The following CNIH3 variants were observed in gnomAD, a reference collection of about 807,000 sequenced individuals.
CNIH3 encodes cornichon family AMPA receptor auxiliary protein 3, also known as protein cornichon homolog 3.
A neutral mutation model predicts 24.1 loss-of-function variants in CNIH3; 14 were observed. The observed-to-expected ratio is 0.58, with a 90% confidence interval of 0.38 to 0.91. The LOEUF is 0.91. Among genes scored for constraint, CNIH3 ranks in the 40% least tolerant of loss-of-function variants. The probability of loss-of-function intolerance (pLI) is 0.00; values close to 1 mark genes in which losing one functional copy is unlikely to be tolerated. For missense variants in CNIH3, 178 were observed against 196.8 expected, an observed-to-expected ratio of 0.90 and a Z score of 0.57; for synonymous variants, 68 against 73.8, an observed-to-expected ratio of 0.92 and a Z score of 0.40.
intron 3 of CNIH3, among the ~76,000 whole-genome samples, chr1:224,694,724 A>G (rs1328336856): frequency 6.6e-6 from 1 of 152,252 alleles, no homozygotes; most frequent in Non-Finnish European, 1.5e-5. Context: ...TGTGGCATGT[A>G]TACACCATGG....
At chr1:224,512,149 T>C (rs1678179552), upstream of CNIH3, among the ~76,000 whole-genome samples, 1 of 146,734 alleles carries the variant, frequency 6.8e-6, no homozygotes, top group African/African-American at 2.6e-5. Context: ...CACTCCAGCC[T>C]GGGCAACAAG....
At chr1:224,434,688 T>G (rs1021836411) in exon 1 of CNIH3, 382 of 895,706 alleles carry the variant, frequency 4.3e-4, no homozygotes, top group Non-Finnish European at 4.9e-4. Context: ...CGGCAGTGGC[T>G]GCGGCGGCGG....
At chr1:224,561,306 G>A (rs1401717219) in intron 3 of CNIH3, among the ~76,000 whole-genome samples, 2 of 152,036 alleles carry the variant, frequency 1.3e-5, no homozygotes, top group African/African-American at 4.8e-5. Context: ...TCTCAGTCAT[G>A]AATTTTCCTA....
chr1:224,471,880 G>A (rs184962913), intron 1 of CNIH3, among the ~76,000 whole-genome samples: 122 of 152,190 alleles, frequency 8.0e-4, no homozygotes, highest in African/African-American at 2.7e-3. Context: ...GTGAGCCACC[G>A]TGCCCGGCCT....
At chr1:224,603,057 T>A (rs1269574646) in intron 3 of CNIH3, among the ~76,000 whole-genome samples, 3 of 152,158 alleles carry the variant, frequency 2.0e-5, no homozygotes, top group Admixed American at 2.0e-4. Flanking sequence ...GCTTCAGTAT[T>A]TAAAGGGGAA....
At chr1:224,629,700 T>A (rs1008129984) in intron 1 of CNIH3, among the ~76,000 whole-genome samples, 4 of 152,008 alleles carry the variant, frequency 2.6e-5, no homozygotes, top group Non-Finnish European at 5.9e-5. Flanking sequence ...AATGTTTAAT[T>A]TTTTGTGGCT....
intron 1 of CNIH3, among the ~76,000 whole-genome samples, chr1:224,482,561 T>C (rs4654044): frequency 0.99 from 151,066 of 152,082 alleles, 75,034 homozygotes; most frequent in Middle Eastern, 1. Flanking sequence ...GAATGGGGGC[T>C]TCATGACTCT....
Position 224,646,671 on chromosome 1 carries a change from A to G in CNIH3, c.81+29416A>G, listed in dbSNP as rs184723187. ...CCCTCCTGCTTCGGCATCCTAAATT[A>G]CTGGGATTACAGGCATGAGCCACCA... On this transcript the variant is annotated intron_variant, in intron 1 of 5. Transcript: ENST00000272133. Among the ~76,000 whole-genome samples the G allele has an allele frequency of 2.7e-3, 418 of 152,132 alleles. 1 individual carries two copies. The highest frequency in any genetic ancestry group is 0.027 in the Middle Eastern group (8 of 294).
chr1:224,553,826 C>A (rs912510221), intron 3 of CNIH3, among the ~76,000 whole-genome samples: 8 of 144,974 alleles, frequency 5.5e-5, no homozygotes, highest in Non-Finnish European at 1.1e-4. Flanking sequence ...CTCCCTCCCT[C>A]TTTCTCCCAC....
chr1:224,628,239 C>T (rs549076413), intron 1 of CNIH3, among the ~76,000 whole-genome samples: 25 of 152,260 alleles, frequency 1.6e-4, no homozygotes, highest in Middle Eastern at 3.4e-3. Context: ...CTACTTGGGG[C>T]TCAGTCTGGC....
intron 1 of CNIH3, among the ~76,000 whole-genome samples, chr1:224,659,440 G>A (rs898311395): frequency 2.0e-5 from 3 of 152,200 alleles, no homozygotes; most frequent in Non-Finnish European, 4.4e-5. Context: ...TCTTAGGCCA[G>A]TTACCAAAGG....
At chr1:224,514,555 G>T (rs993979928), upstream of CNIH3, among the ~76,000 whole-genome samples, 1 of 152,174 alleles carries the variant, frequency 6.6e-6, no homozygotes, top group Admixed American at 6.5e-5. Flanking sequence ...AATAAGCTGG[G>T]CATAATGGCT....
intron 1 of CNIH3, among the ~76,000 whole-genome samples, chr1:224,666,358 T>C (rs1225703678): frequency 6.6e-6 from 1 of 152,232 alleles, no homozygotes; most frequent in Non-Finnish European, 1.5e-5. Context: ...GGTCATGTCC[T>C]GTATGCTCTG....
At chr1:224,705,089 G>C (rs12068125) in intron 3 of CNIH3, among the ~76,000 whole-genome samples, 38,489 of 151,960 alleles carry the variant, frequency 0.25, 5,174 homozygotes, top group East Asian at 0.37. Flanking sequence ...CTGCACTCCA[G>C]CCTGGACAAG....
At chr1:224,600,547 G>T (rs1682165026) in intron 3 of CNIH3, among the ~76,000 whole-genome samples, 1 of 152,146 alleles carries the variant, frequency 6.6e-6, no homozygotes. Context: ...AGGCTGGAGT[G>T]CAGTGCAGTG....
chr1:224,452,152 CTTTT>C (rs58936897), intron 1 of CNIH3, among the ~76,000 whole-genome samples: 4 of 142,212 alleles, frequency 2.8e-5, no homozygotes, highest in African/African-American at 1.0e-4. Context: ...TTACCAATGT[CTTTT>C]TTTTTTTTTT....
chr1:224,637,456 T>A (rs1234661203), intron 1 of CNIH3, among the ~76,000 whole-genome samples: 1 of 151,098 alleles, frequency 6.6e-6, no homozygotes, highest in East Asian at 2.0e-4. Flanking sequence ...AACAGTTGCT[T>A]CAGCCTCCTG....
At chr1:224,534,759 C>T (rs1465525933) in intron 2 of CNIH3, among the ~76,000 whole-genome samples, 3 of 152,306 alleles carry the variant, frequency 2.0e-5, no homozygotes, top group Admixed American at 6.5e-5. Flanking sequence ...TCCACCTGCA[C>T]CCCCTCAAGT....
intron 1 of CNIH3, among the ~76,000 whole-genome samples, chr1:224,475,040 A>G (rs957858958): frequency 7.4e-6 from 1 of 135,428 alleles, no homozygotes; most frequent in African/African-American, 3.1e-5. Context: ...AGGAGACTCC[A>G]TCTCAAAAAA....
Sources: allele counts gnomAD v4.1 joint callset (sites outside exome capture counted in the v4.1 genomes callset), GRCh38; gene constraint gnomAD v4.1.1; transcripts MANE v1.5; gene names NCBI Gene and HGNC (gene_info 2026-07-23, HGNC 2026-07-21).